The following PLEKHA5 variants were observed in gnomAD, a reference collection of about 807,000 sequenced individuals.
PLEKHA5 encodes the protein pleckstrin homology domain containing A5.
PLEKHA5 carries 55 observed loss-of-function variants against 181.9 expected under a neutral mutation model. The ratio of observed to expected loss-of-function variants is 0.30; its 90% confidence interval spans 0.24 to 0.38. The LOEUF (loss-of-function observed/expected upper bound fraction) is 0.38. PLEKHA5 is among the 10% of genes least tolerant of loss of function. PLEKHA5 has a pLI of 1.00. For synonymous variants in PLEKHA5, 535 were observed against 529.4 expected, an observed-to-expected ratio of 1.01 and a Z score of -0.15; for missense variants, 1,432 against 1,549.5, an observed-to-expected ratio of 0.92 and a Z score of 1.27.
At chr12:19,327,647 T>TG (rs1270507211) in intron 20 of PLEKHA5, among the ~76,000 whole-genome samples, 182 of 149,290 alleles carry the variant, frequency 1.2e-3, no homozygotes, top group African/African-American at 4.4e-3. Context: ...CTTTTTTCTT[T>TG]TTTTTTTTTT....
chr12:19,196,208 T>C (rs2052688696), intron 3 of PLEKHA5, among the ~76,000 whole-genome samples: 1 of 152,230 alleles, frequency 6.6e-6, no homozygotes, highest in Non-Finnish European at 1.5e-5. Context: ...ACAAAGATTA[T>C]ATTTTATATG....
chr12:19,190,023 C>G (rs2050725274), intron 3 of PLEKHA5, among the ~76,000 whole-genome samples: 1 of 152,148 alleles, frequency 6.6e-6, no homozygotes, highest in African/African-American at 2.4e-5. Context: ...AATCTGCTTA[C>G]AACGTGCGCT....
chr12:19,281,493 C>T (rs368775854), intron 11 of PLEKHA5, among the ~76,000 whole-genome samples: 4 of 151,816 alleles, frequency 2.6e-5, no homozygotes, highest in African/African-American at 9.7e-5. Flanking sequence ...AGGAGAATCA[C>T]TCGAACCTGA....
At chr12:19,146,177 ATCCT>A (rs1382222876) in intron 3 of PLEKHA5, among the ~76,000 whole-genome samples, 1 of 152,214 alleles carries the variant, frequency 6.6e-6, no homozygotes, top group Non-Finnish European at 1.5e-5. Flanking sequence ...TTAATTATTT[ATCCT>A]TACTTATATC....
chr12:19,241,266 T>A (rs2062528823), intron 3 of PLEKHA5, among the ~76,000 whole-genome samples: 1 of 152,032 alleles, frequency 6.6e-6, no homozygotes, highest in African/African-American at 2.4e-5. Flanking sequence ...TTTAAAGGGG[T>A]AGGGGTTTTG....
chr12:19,335,630 T>TA (rs2093365718), intron 20 of PLEKHA5, among the ~76,000 whole-genome samples: 1 of 144,428 alleles, frequency 6.9e-6, no homozygotes, highest in Admixed American at 7.2e-5. Flanking sequence ...AGGGTTTGGT[T>TA]ACGTTGGTCA....
chr12:19,139,107 A>AAG (rs5796786), intron 3 of PLEKHA5, among the ~76,000 whole-genome samples: 132,548 of 151,898 alleles, frequency 0.87, 58,521 homozygotes, highest in Non-Finnish European at 0.96. Flanking sequence ...ATGGAAAGGA[A>AAG]AGGCCATTGA....
intron 4 of PLEKHA5, among the ~76,000 whole-genome samples, chr12:19,254,578 T>C (rs2152549626): frequency 6.6e-6 from 1 of 152,288 alleles, no homozygotes; most frequent in East Asian, 1.9e-4. Context: ...CCTAGCACTT[T>C]GGGAGGCCAA....
At chr12:19,159,764 A>AT (rs932937308) in intron 3 of PLEKHA5, among the ~76,000 whole-genome samples, 1 of 152,192 alleles carries the variant, frequency 6.6e-6, no homozygotes, top group African/African-American at 2.4e-5. Flanking sequence ...GTATAGGTAA[A>AT]TAAAAACTTT....
At chr12:19,239,948 T>C (rs1223416994) in intron 3 of PLEKHA5, among the ~76,000 whole-genome samples, 1 of 152,250 alleles carries the variant, frequency 6.6e-6, no homozygotes, top group African/African-American at 2.4e-5. Context: ...GTGTCACCAG[T>C]GCCTAGCACA....
intron 3 of PLEKHA5, among the ~76,000 whole-genome samples, chr12:19,229,078 A>G (rs2060079137): frequency 6.6e-6 from 1 of 152,236 alleles, no homozygotes; most frequent in Non-Finnish European, 1.5e-5. Context: ...ATATGAATGT[A>G]GAAGTGTGGC....
At chr12:19,270,397 A>G (rs1231947681) in intron 10 of PLEKHA5, among the ~76,000 whole-genome samples, 192 bp downstream of exon 10, 2 of 152,122 alleles carry the variant, frequency 1.3e-5, no homozygotes, top group African/African-American at 2.4e-5. Context: ...CATTTTTTCA[A>G]CATTTCTGAT....
intron 3 of PLEKHA5, among the ~76,000 whole-genome samples, chr12:19,228,071 A>G (rs1446560384): frequency 6.6e-6 from 1 of 152,214 alleles, no homozygotes; most frequent in African/African-American, 2.4e-5. Flanking sequence ...CCTGCATCAC[A>G]GTAAGTGAAA....
chr12:19,303,079 A>C (rs965187029), intron 15 of PLEKHA5, among the ~76,000 whole-genome samples: 1 of 151,010 alleles, frequency 6.6e-6, no homozygotes, highest in Non-Finnish European at 1.5e-5. Flanking sequence ...ACACCACCGC[A>C]CCCAGCTAAT....
intron 5 of PLEKHA5, among the ~76,000 whole-genome samples, chr12:19,255,517 GTATAT>G (rs1241258849): frequency 6.6e-6 from 1 of 151,688 alleles, no homozygotes; most frequent in African/African-American, 2.4e-5. Flanking sequence ...CATTGTAATA[GTATAT>G]TATGTTTATT....
In PLEKHA5 at chr12:19,288,829, G is replaced by T. The variant is rs2077783574; in HGVS notation, c.1863+1273G>T. 6.6e-5 allele frequency among the ~76,000 whole-genome samples: 10 copies of T among 152,186 alleles called. No homozygotes were observed. The South Asian group carries it at 2.1e-3, about 32-fold the overall frequency. ...TCTCTTCTGCCTTGCTCCCTCTAGT[G>T]GATATTTAGCCAAAATTTATTTACC... On this transcript the variant is annotated intron_variant, in intron 13 of 31. Coordinates refer to ENST00000429027, the MANE Select transcript of PLEKHA5 (RefSeq NM_001256470.2).
chr12:19,309,462 A>G (rs1405165192), intron 15 of PLEKHA5, among the ~76,000 whole-genome samples: 1 of 152,066 alleles, frequency 6.6e-6, no homozygotes, highest in Non-Finnish European at 1.5e-5. Flanking sequence ...ATATGCTTTT[A>G]AAATAAGACA....
chr12:19,312,441 T>C (rs1010992500), intron 15 of PLEKHA5, among the ~76,000 whole-genome samples: 1 of 152,252 alleles, frequency 6.6e-6, no homozygotes. Context: ...AGCCACCTTC[T>C]TCAGTTATCT....
At chr12:19,362,883 G>T (rs993490001) in intron 29 of PLEKHA5, among the ~76,000 whole-genome samples, 13 of 151,642 alleles carry the variant, frequency 8.6e-5, no homozygotes, top group Admixed American at 7.2e-4. Context: ...ATGGATTTAT[G>T]CCTTTACAGT....
Sources: allele counts gnomAD v4.1 joint callset (sites outside exome capture counted in the v4.1 genomes callset), GRCh38; gene constraint gnomAD v4.1.1; transcripts MANE v1.5; gene names NCBI Gene and HGNC (gene_info 2026-07-23, HGNC 2026-07-21).